BSPRY: variants seen among roughly 807,000 people sequenced by gnomAD.
BSPRY encodes B box and SPRY domain-containing protein.
Under a neutral mutation model 38.0 loss-of-function variants are expected in BSPRY, and 33 were observed. That is an observed-to-expected ratio of 0.87 (90% confidence interval 0.66 to 1.16). The LOEUF is 1.16. Ranked by LOEUF, BSPRY falls within the 50% of genes most tolerant of loss-of-function variation. The probability of loss-of-function intolerance (pLI) is 0.00; values close to 1 mark genes in which losing one functional copy is unlikely to be tolerated. For missense variants in BSPRY, 523 were observed against 533.2 expected (o/e 0.98, Z 0.19); for synonymous variants, 224 against 228.5 (o/e 0.98, Z 0.18).
chr9:113,370,061 C>A lies in BSPRY; in HGVS notation c.1128C>A (p.Leu376=), dbSNP rs1365998213. Reference sequence around the variant, plus strand: ...ATGAGCCAGCCTCCGGCACAGTGCTCTGTGCCCATCATGTGTCCTTCCCGG... The same window carrying A: ...ATGAGCCAGCCTCCGGCACAGTGCTATGTGCCCATCATGTGTCCTTCCCGG... ...LFYEPASGTV[L]CAHHVSFPGP... is the part of the protein sequence containing the mutation. Residue 376 remains leucine, a synonymous_variant, in exon 6 of 6, where the codon CTC becomes CTA. Transcript: ENST00000374183. This position sits in a 1 kb window ranked among gnomAD's most constrained non-coding sequence, Gnocchi z 4.8. The A allele has an allele frequency of 6.2e-7, 1 of 1,613,928 alleles. No individual in the cohort carries two copies. Among genetic ancestry groups the A allele is most frequent in the Non-Finnish European group, 8.5e-7 (1 of 1,179,932 alleles).
intron 5 of BSPRY, 66 bp downstream of exon 5, chr9:113,368,449 C>T (rs1284176483): frequency 9.6e-6 from 15 of 1,566,920 alleles, no homozygotes; most frequent in Non-Finnish European, 1.2e-5. Context: ...CTGGGGTTCA[C>T]TCCTGGTTCA....
chr9:113,367,591 G>A (rs940839505), intron 4 of BSPRY, among the ~76,000 whole-genome samples: 1 of 152,156 alleles, frequency 6.6e-6, no homozygotes, highest in African/African-American at 2.4e-5. Flanking sequence ...AAAGACTATC[G>A]TGCAGGGGTT....
At chr9:113,367,760 G>A (rs1039142800) in intron 4 of BSPRY, among the ~76,000 whole-genome samples, 1 of 152,046 alleles carries the variant, frequency 6.6e-6, no homozygotes, top group Admixed American at 6.5e-5. Flanking sequence ...TAAAATTAAG[G>A]CTTCTGGGGG....
chr9:113,354,327 CAA>C lies in BSPRY; in HGVS notation c.291_292del (p.Arg98SerfsTer60). On this transcript the variant is annotated frameshift_variant, in exon 2 of 6. Transcript: ENST00000374183. LOFTEE classifies it high-confidence loss of function. ...YVADVLPGKN[Q>X]RAVSMASAAR... ...GGCGGACGTCCTGCCGGGGAAGAATCAAAGAGCAGTGGTAATTCCTCTTCTTT... is the reference window on the plus strand; with the variant it reads ...GGCGGACGTCCTGCCGGGGAAGAATCAGAGCAGTGGTAATTCCTCTTCTTT... The C allele has an allele frequency of 6.2e-7, 1 of 1,613,868 alleles. No homozygotes were observed. The highest frequency in any genetic ancestry group is 8.5e-7 in the Non-Finnish European group (1 of 1,179,760).
chr9:113,358,592 T>C (rs1834101070), intron 2 of BSPRY, among the ~76,000 whole-genome samples: 1 of 152,120 alleles, frequency 6.6e-6, no homozygotes, highest in East Asian at 1.9e-4. Context: ...AAAAGGATGC[T>C]TGGGCTATTT....
chr9:113,364,627 T>C (rs1427168102), intron 4 of BSPRY, among the ~76,000 whole-genome samples: 1 of 152,174 alleles, frequency 6.6e-6, no homozygotes, highest in Non-Finnish European at 1.5e-5. Flanking sequence ...CCACATTCAT[T>C]GTCGCTCGTT....
chr9:113,369,046 A>G (rs1342077360), intron 5 of BSPRY, among the ~76,000 whole-genome samples: 1 of 150,986 alleles, frequency 6.6e-6, no homozygotes, highest in Non-Finnish European at 1.5e-5. Flanking sequence ...CAATTTTGGT[A>G]GAAGCTGTAG....
intron 5 of BSPRY, among the ~76,000 whole-genome samples, chr9:113,368,725 C>T (rs1050778521): frequency 6.6e-6 from 1 of 152,206 alleles, no homozygotes; most frequent in African/African-American, 2.4e-5. Flanking sequence ...TGATGGCCAA[C>T]TGAAGAACAT....
In BSPRY at chr9:113,366,648, C is replaced by T. The variant is rs549774866; in HGVS notation, c.558-1611C>T. The stretch of plus-strand genomic sequence containing the variant: ...TCACTATGTTCAGCCTCACATTTGC[C>T]CTGGGATGACAGCTTAGCACCGCTG... On this transcript the variant is annotated intron_variant, in intron 4 of 5. Coordinates refer to ENST00000374183, the MANE Select transcript of BSPRY (RefSeq NM_017688.3). Among the ~76,000 whole-genome samples the T allele has an allele frequency of 4.6e-5, 7 of 152,318 alleles. No homozygotes were observed. The South Asian group carries it at 1.5e-3, about 32-fold the overall frequency.
Position 113,368,242 on chromosome 9 carries a change from G to C in BSPRY, c.558-17G>C. On this transcript the variant is annotated splice_polypyrimidine_tract_variant and intron_variant, in intron 4 of 5. Transcript: ENST00000374183. The stretch of plus-strand genomic sequence containing the variant: ...AGAACCATCCTGAATCTCTGTCTCT[G>C]TTTTTCCCCATATAAGGACCGAAGA... The C allele has an allele frequency of 6.2e-7, 1 of 1,613,486 alleles. No individual in the cohort carries two copies. The highest frequency in any genetic ancestry group is 2.2e-5 in the East Asian group (1 of 44,874).
chr9:113,368,414 G>A (rs1265885897), intron 5 of BSPRY, 31 bp downstream of exon 5: 3 of 1,606,086 alleles, frequency 1.9e-6, no homozygotes, highest in African/African-American at 1.3e-5. Context: ...GGACCATTAG[G>A]ACAACTGGGC....
chr9:113,353,259 G>A (rs111737972), intron 1 of BSPRY, among the ~76,000 whole-genome samples: 2,628 of 152,202 alleles, frequency 0.017, 78 homozygotes, highest in African/African-American at 0.06. Context: ...GTGGTGGCAC[G>A]TGCCTGTAGT....
chr9:113,368,568 C>T (rs1834290008), intron 5 of BSPRY, among the ~76,000 whole-genome samples, 185 bp downstream of exon 5: 2 of 152,196 alleles, frequency 1.3e-5, no homozygotes, highest in African/African-American at 4.8e-5. Context: ...GGGCCAAGTC[C>T]TTCCCATTTC....
At position 113,354,223 on chromosome 9, in the gene BSPRY, C is replaced by T. The variant is rs1564333593; in HGVS notation, c.202-17C>T. 3.1e-6 allele frequency: 5 copies of T among 1,608,850 alleles called. No individual in the cohort carries two copies. The highest frequency in any genetic ancestry group is 1.7e-5 in the Admixed American group (1 of 59,956). On this transcript the variant is annotated splice_polypyrimidine_tract_variant and intron_variant, in intron 1 of 5. Transcript: ENST00000374183. ...GGTACATGGACCAAGATGCCACAAGCGTTGTTTGTGTTGCAGAACAAGATT... is the reference window on the plus strand; with the variant it reads ...GGTACATGGACCAAGATGCCACAAGTGTTGTTTGTGTTGCAGAACAAGATT...
chr9:113,351,853 A>G (rs1390066396), intron 1 of BSPRY, among the ~76,000 whole-genome samples: 1 of 151,650 alleles, frequency 6.6e-6, no homozygotes, highest in Non-Finnish European at 1.5e-5. Context: ...CCCAGGCTGG[A>G]GTGTGGAGTG....
At chr9:113,362,321 C>T (rs1834168421) in intron 3 of BSPRY, 48 bp from the exon 4 acceptor site, 1 of 1,610,844 alleles carries the variant, frequency 6.2e-7, no homozygotes. Context: ...CATTGACTCC[C>T]TGCTGGGTAT....
At chr9:113,350,386 C>T (rs973250805) in intron 1 of BSPRY, among the ~76,000 whole-genome samples, 1 of 152,132 alleles carries the variant, frequency 6.6e-6, no homozygotes, top group African/African-American at 2.4e-5. Context: ...CTTGACTGTA[C>T]TTCAGGCTGG....
intron 3 of BSPRY, 117 bp downstream of exon 3, chr9:113,360,854 A>C (rs1834142464): frequency 4.4e-6 from 4 of 900,248 alleles, no homozygotes; most frequent in Non-Finnish European, 6.7e-6. Context: ...AGCAGGGATG[A>C]GTGACAAAGA....
chr9:113,351,061 C>G (rs1408969768), intron 1 of BSPRY, among the ~76,000 whole-genome samples: 1 of 152,146 alleles, frequency 6.6e-6, no homozygotes, highest in African/African-American at 2.4e-5. Context: ...TGCTGCTTTG[C>G]TTCGGCGGTT....
Sources: allele counts gnomAD v4.1 joint callset (sites outside exome capture counted in the v4.1 genomes callset), GRCh38; gene constraint gnomAD v4.1.1; non-coding constraint Gnocchi (gnomAD v3.1); transcripts MANE v1.5; gene names NCBI Gene and HGNC (gene_info 2026-07-23, HGNC 2026-07-21).